SLCO2B1: variants seen among roughly 807,000 people sequenced by gnomAD.
SLCO2B1 encodes the protein OATP-RP2.
A neutral mutation model predicts 67.3 loss-of-function variants in SLCO2B1; 41 were observed. That is an observed-to-expected ratio of 0.61 (90% CI 0.47 to 0.79). The LOEUF is 0.79. Among genes scored for constraint, SLCO2B1 ranks in the 30% least tolerant of loss-of-function variants. SLCO2B1 has a pLI of 0.00. For synonymous variants in SLCO2B1, 379 were observed against 381.4 expected (o/e 0.99, Z 0.07); for missense variants, 837 against 920.1 (o/e 0.91, Z 1.17).
chr11:75,151,488 G>A (rs574918635), intron 1 of SLCO2B1, 91 bp downstream of exon 1: 4 of 1,347,792 alleles, frequency 3.0e-6, no homozygotes, highest in Non-Finnish European at 4.2e-6. Flanking sequence ...AGCCAGAGTG[G>A]GTGGGATGGG....
At chr11:75,176,334 G>T (rs1453808697) in intron 7 of SLCO2B1, among the ~76,000 whole-genome samples, 5 of 152,294 alleles carry the variant, frequency 3.3e-5, no homozygotes, top group African/African-American at 1.2e-4. Context: ...CTACTTCCTG[G>T]CAGGCAAGCC....
chr11:75,200,669 A>T (rs1945168719), intron 11 of SLCO2B1: 1 of 322,694 alleles, frequency 3.1e-6, no homozygotes. Flanking sequence ...CCCACAGCCC[A>T]GGCTCCTACT....
At chr11:75,196,443 C>A (rs775169839) in intron 9 of SLCO2B1, 71 bp from the exon 10 acceptor site, 94 of 1,499,930 alleles carry the variant, frequency 6.3e-5, no homozygotes, top group Non-Finnish European at 8.2e-5. Flanking sequence ...GGCTACAGGG[C>A]CGAGGATGCC....
At position 75,169,167 on chromosome 11, in the gene SLCO2B1, T is replaced by C; in HGVS notation, c.449-6T>C. ...GTTATAATATTTTTTCATTGTCGTC[T>C]CTCAGAGGATATGCCACAGGACTTC... On this transcript the variant is annotated splice_region_variant and splice_polypyrimidine_tract_variant and intron_variant, in intron 4 of 13. Transcript: ENST00000289575. 1 of 1,602,582 alleles carries C rather than the reference T, an allele frequency of 6.2e-7. No individual in the cohort carries two copies. The highest frequency in any genetic ancestry group is 2.2e-5 in the East Asian group (1 of 44,566).
chr11:75,186,939 A>G (rs1944945460), intron 7 of SLCO2B1, among the ~76,000 whole-genome samples: 1 of 152,220 alleles, frequency 6.6e-6, no homozygotes, highest in South Asian at 2.1e-4. Flanking sequence ...CTCTGGAGCC[A>G]AGCCGTCTGG....
Position 75,205,068 on chromosome 11 carries a change from A to C in SLCO2B1, c.*488A>C, listed in dbSNP as rs1945249964. On this transcript the variant is annotated 3_prime_UTR_variant, in exon 14 of 14. Transcript: ENST00000289575. ...ATGACCATCTGTGCGGTCAGGGTAC[A>C]CTCAGCTCTCCTCCCCAACTCCAGC... 6.6e-6 allele frequency: 1 copy of C among 152,606 alleles called. No homozygotes were observed. 9.5% of individuals were successfully genotyped at this position (152,606 alleles called of 1,614,324 possible).
intron 4 of SLCO2B1, among the ~76,000 whole-genome samples, chr11:75,166,197 G>T (rs953559044): frequency 2.6e-5 from 4 of 152,124 alleles, no homozygotes; most frequent in Non-Finnish European, 4.4e-5. Context: ...TGTCACTGTG[G>T]GTTTTTTTAG....
intron 1 of SLCO2B1, among the ~76,000 whole-genome samples, chr11:75,158,889 G>A (rs1591807827): frequency 6.6e-6 from 1 of 152,320 alleles, no homozygotes; most frequent in East Asian, 1.9e-4. Flanking sequence ...CTTTCCCACA[G>A]AGAACAGGTA....
intron 3 of SLCO2B1, among the ~76,000 whole-genome samples, chr11:75,164,868 C>T (rs957267659): frequency 3.3e-5 from 5 of 152,134 alleles, no homozygotes; most frequent in African/African-American, 1.2e-4. Context: ...CAAGTCACTC[C>T]CCTGTCTCTG....
intron 1 of SLCO2B1, among the ~76,000 whole-genome samples, chr11:75,154,331 T>TAA (rs1355495565): frequency 4.1e-5 from 6 of 146,996 alleles, no homozygotes; most frequent in African/African-American, 1.2e-4. Context: ...CCATCTCTAC[T>TAA]AAAAAAAAAA....
rs1335525108 is a variant in SLCO2B1, at chr11:75,204,443, T to C, written c.1993T>C (p.Cys665Arg). 1.2e-6 allele frequency: 2 copies of C among 1,612,414 alleles called. No individual in the cohort carries two copies. The highest frequency in any genetic ancestry group is 1.7e-6 in the Non-Finnish European group (2 of 1,179,198). ...CTTCTTCAAAACAGGTTCTGTGATC[T>C]GCTTCGCCTTAGTTTTGGCTGTCCT... The part of the protein sequence containing the change: ...QFFFKTGSVI[C>R]FALVLAVLRQ... Residue 665 changes from cysteine to arginine, a missense_variant, in exon 14 of 14, where the codon TGC becomes CGC. Physicochemically the swap from Cys to Arg is radical, Grantham distance 180. Coordinates refer to ENST00000289575, the MANE Select transcript of SLCO2B1 (RefSeq NM_007256.5).
intron 1 of SLCO2B1, among the ~76,000 whole-genome samples, chr11:75,153,168 A>G (rs1565529446): frequency 6.6e-6 from 1 of 151,796 alleles, no homozygotes; most frequent in Non-Finnish European, 1.5e-5. Context: ...CTGTTTTCCA[A>G]CTCTTCCAAA....
rs180907057 is a variant in SLCO2B1, at chr11:75,174,148, T to A, written c.972+1579T>A. On this transcript the variant is annotated intron_variant, in intron 7 of 13. Transcript: ENST00000289575. ...GTAATGTCAAGTTCATTAATTTTTT[T>A]AATACTTATACACATTTCATTACAT... is the stretch of plus-strand genomic sequence containing the variant. Among the ~76,000 whole-genome samples, 633 of 152,362 alleles carry A rather than the reference T, an allele frequency of 4.2e-3. 3 individuals carry two copies. The highest frequency in any genetic ancestry group is 6.2e-3 in the Non-Finnish European group (421 of 68,042).
rs1187099580 is a variant in SLCO2B1, at chr11:75,200,318, T to G, written c.1694T>G (p.Leu565Arg). 4.3e-6 allele frequency: 7 copies of G among 1,613,702 alleles called. No homozygotes were observed. Among genetic ancestry groups the G allele is most frequent in the Non-Finnish European group, 5.9e-6 (7 of 1,179,966 alleles). The change falls in exon 11 of 14, where the codon CTG becomes CGG. Residue 565 changes from leucine to arginine, a missense_variant. Transcript: ENST00000289575. ...TGCAGCCATCTGGTGGTGCCCTTCC[T>G]GCTCCTGGTCAGCCTGGGCTCGGCC... The part of the protein sequence containing the change: ...STCSHLVVPF[L>R]LLVSLGSALA...
intron 7 of SLCO2B1, among the ~76,000 whole-genome samples, chr11:75,178,091 C>T (rs996236910): frequency 6.8e-5 from 9 of 132,934 alleles, no homozygotes; most frequent in Non-Finnish European, 1.4e-4. Context: ...AAGATTCCAT[C>T]TCAAAAAAAA....
In SLCO2B1 at chr11:75,164,560, C is replaced by T. The variant is rs1444017315; in HGVS notation, c.285+460C>T. ...TTAGAACTGCCTGGGGATTCACAGGCCTGTGGGGCCCGCAGCCAAGCAGGG... is the reference window on the plus strand; with the variant it reads ...TTAGAACTGCCTGGGGATTCACAGGTCTGTGGGGCCCGCAGCCAAGCAGGG... On this transcript the variant is annotated intron_variant, in intron 3 of 13. Coordinates refer to ENST00000289575, the MANE Select transcript of SLCO2B1 (RefSeq NM_007256.5). 3.9e-5 allele frequency among the ~76,000 whole-genome samples: 6 copies of T among 152,028 alleles called. No homozygotes were observed. In the East Asian group the frequency reaches 7.8e-4, roughly 20 times the overall value.
intron 1 of SLCO2B1, among the ~76,000 whole-genome samples, chr11:75,152,952 C>T (rs554680389): frequency 6.6e-6 from 1 of 152,274 alleles, no homozygotes; most frequent in Non-Finnish European, 1.5e-5. Context: ...CCAGTCAGGG[C>T]AGACACCAGA....
chr11:75,170,693 G>A (rs1949948281), intron 6 of SLCO2B1, among the ~76,000 whole-genome samples: 1 of 152,176 alleles, frequency 6.6e-6, no homozygotes. Context: ...GCGCAGCTCT[G>A]AACAGCAGCC....
In SLCO2B1 at chr11:75,193,381, C is replaced by T. The variant is rs145830524; in HGVS notation, c.1239C>T (p.Ile413=). Residue 413 remains isoleucine (I), a synonymous_variant, in exon 9 of 14, where the codon ATC becomes ATT. Coordinates refer to ENST00000289575, the MANE Select transcript of SLCO2B1 (RefSeq NM_007256.5). This position sits in a 1 kb window ranked among gnomAD's most constrained non-coding sequence, Gnocchi z 4.2. ...SITASYANLL[I]GCLSFPSVIV... ...CAGCCTCCTACGCCAACCTGCTCAT[C>T]GGCTGCCTCTCCTTCCCTTCGGTCA... is the stretch of plus-strand genomic sequence containing the variant. The T allele has an allele frequency of 3.1e-5, 50 of 1,614,204 alleles. No homozygotes were observed. Among genetic ancestry groups the T allele is most frequent in the East Asian group, 6.7e-5 (3 of 44,884 alleles).
Sources: gnomAD v4.1 joint callset for allele counts (sites outside exome capture counted in the v4.1 genomes callset) on GRCh38, gnomAD v4.1.1 for gene constraint, Gnocchi (gnomAD v3.1) non-coding constraint, MANE v1.5 for transcripts, NCBI Gene and HGNC (gene_info 2026-07-23, HGNC 2026-07-21) for gene names.